KAZN: variants seen among roughly 807,000 people sequenced by gnomAD.
KAZN encodes kazrin.
KAZN carries 40 observed loss-of-function variants against 87.4 expected under a neutral mutation model. The ratio of observed to expected loss-of-function variants is 0.46; its 90% CI spans 0.36 to 0.60. The LOEUF is 0.60. KAZN is among the 20% of genes least tolerant of loss of function. KAZN has a pLI of 0.00. For missense variants in KAZN, 898 were observed against 1,073.9 expected, an observed-to-expected ratio of 0.84 and a Z score of 2.29; for synonymous variants, 466 against 458.3, an observed-to-expected ratio of 1.02 and a Z score of -0.22.
chr1:14,012,700 G>A (rs1012585841), intron 1 of KAZN, among the ~76,000 whole-genome samples: 1 of 152,162 alleles, frequency 6.6e-6, no homozygotes. Context: ...AGCTACTTGG[G>A]AGGCTGAGGC....
At chr1:14,457,330 C>T (rs550086731) in intron 2 of KAZN, among the ~76,000 whole-genome samples, 1 of 152,230 alleles carries the variant, frequency 6.6e-6, no homozygotes, top group East Asian at 1.9e-4. Context: ...CTCTAAAATA[C>T]CTGTTCGTTC....
chr1:14,006,789 A>G (rs534855656), intron 1 of KAZN, among the ~76,000 whole-genome samples: 1 of 152,040 alleles, frequency 6.6e-6, no homozygotes, highest in East Asian at 1.9e-4. Context: ...TTCTTTCTCA[A>G]GATTGCTTTG....
chr1:14,095,062 A>T (rs1644097368), intron 1 of KAZN, among the ~76,000 whole-genome samples: 1 of 152,232 alleles, frequency 6.6e-6, no homozygotes, highest in African/African-American at 2.4e-5. Context: ...GTAGGGCAGG[A>T]CAATTCTATG....
Position 14,024,784 on chromosome 1 carries a change from T to C in KAZN, c.91+131028T>C, listed in dbSNP as rs575563335. 2.0e-4 allele frequency among the ~76,000 whole-genome samples: 30 copies of C among 151,920 alleles called. 1 individual carries two copies. Among genetic ancestry groups the C allele is most frequent in the African/African-American group, 6.8e-4 (28 of 41,188 alleles). On this transcript the variant is annotated intron_variant, in intron 1 of 16. Coordinates refer to the KAZN transcript ENST00000636203. ...TATTCAAAGTTGAGGATCTCAACCT[T>C]GGCTTGCATATTAGAATAAACTAGA...
chr1:14,323,631 C>T (rs1381621162), intron 2 of KAZN, among the ~76,000 whole-genome samples: 1 of 152,140 alleles, frequency 6.6e-6, no homozygotes, highest in East Asian at 1.9e-4. Flanking sequence ...TCACTGCCTC[C>T]CTTTATTCTC....
At chr1:14,355,643 C>T (rs1571375867) in intron 2 of KAZN, among the ~76,000 whole-genome samples, 1 of 152,098 alleles carries the variant, frequency 6.6e-6, no homozygotes, top group Non-Finnish European at 1.5e-5. Flanking sequence ...ATGTGTTCTC[C>T]TTGTTCAACT....
chr1:14,534,514 G>A (rs999368308), intron 2 of KAZN, among the ~76,000 whole-genome samples: 11 of 152,042 alleles, frequency 7.2e-5, no homozygotes, highest in Admixed American at 2.6e-4. Flanking sequence ...GCGTGGTGGC[G>A]GGTACCTGTC....
chr1:14,578,745 C>A (rs1675347340), intron 2 of KAZN, among the ~76,000 whole-genome samples: 1 of 152,180 alleles, frequency 6.6e-6, no homozygotes, highest in African/African-American at 2.4e-5. Context: ...CTTGACTGAG[C>A]ACTTGAAAAT....
At chr1:14,586,929 T>C (rs541281861) in intron 2 of KAZN, among the ~76,000 whole-genome samples, 1 of 152,282 alleles carries the variant, frequency 6.6e-6, no homozygotes, top group Admixed American at 6.5e-5. Flanking sequence ...TGGGTGATGT[T>C]TTTTCCTCAC....
intron 4 of KAZN, among the ~76,000 whole-genome samples, chr1:15,051,974 G>C (rs1674453657): frequency 6.6e-6 from 1 of 152,184 alleles, no homozygotes; most frequent in Non-Finnish European, 1.5e-5. Context: ...CCAGGAGCTT[G>C]ACGTTCCAAG....
At chr1:14,096,341 CCT>C (rs1172384237) in intron 1 of KAZN, among the ~76,000 whole-genome samples, 1 of 152,146 alleles carries the variant, frequency 6.6e-6, no homozygotes, top group Non-Finnish European at 1.5e-5. Flanking sequence ...GAAAATACCA[CCT>C]CTTTCAACTG....
In KAZN at chr1:14,573,034, G is replaced by A. The variant is rs559080532; in HGVS notation, c.250-25949G>A. ...TGTAACAGACCAGAAAAATGTAACC[G>A]ATCACTCATGCTCCTCAGCTCTGAG... is the stretch of plus-strand genomic sequence containing the variant. On this transcript the variant is annotated intron_variant, in intron 2 of 16. Coordinates refer to the KAZN transcript ENST00000636203. Among the ~76,000 whole-genome samples the A allele has an allele frequency of 3.3e-5, 5 of 152,190 alleles. No individual in the cohort carries two copies. The South Asian group carries it at 1.0e-3, about 32-fold the overall frequency.
At chr1:15,052,559 A>T (rs947353976) in intron 4 of KAZN, among the ~76,000 whole-genome samples, 2 of 152,008 alleles carry the variant, frequency 1.3e-5, no homozygotes, top group East Asian at 3.9e-4. Context: ...ATGTGTGTGT[A>T]TGCATGTGTG....
chr1:15,087,913 G>A (rs767232501), intron 8 of KAZN, among the ~76,000 whole-genome samples: 3 of 152,190 alleles, frequency 2.0e-5, no homozygotes, highest in Non-Finnish European at 4.4e-5. Context: ...GAGATTAAGC[G>A]TTCCTATCAT....
chr1:14,538,905 C>T (rs1470049947), intron 2 of KAZN, among the ~76,000 whole-genome samples: 3 of 152,218 alleles, frequency 2.0e-5, no homozygotes, highest in African/African-American at 4.8e-5. Flanking sequence ...GAATGGGGTC[C>T]TGGGTGCCCC....
At chr1:14,344,160 A>ATTTTT (rs751631785) in intron 2 of KAZN, among the ~76,000 whole-genome samples, 1 of 92,780 alleles carries the variant, frequency 1.1e-5, no homozygotes, top group African/African-American at 5.2e-5. Context: ...CCATTCATGT[A>ATTTTT]TTCTTTTTTT....
chr1:14,215,918 ATTTC>A (rs1311136055), intron 2 of KAZN, among the ~76,000 whole-genome samples: 2 of 152,182 alleles, frequency 1.3e-5, no homozygotes, highest in East Asian at 3.8e-4. Context: ...CTTTAATTAT[ATTTC>A]TTTTTTCCCA....
At chr1:14,824,928 A>C (rs1646840925) in intron 1 of KAZN, among the ~76,000 whole-genome samples, 1 of 152,018 alleles carries the variant, frequency 6.6e-6, no homozygotes, top group African/African-American at 2.4e-5. Context: ...TTGGGGGAAG[A>C]CTCTTCTGCA....
intron 2 of KAZN, among the ~76,000 whole-genome samples, chr1:15,025,587 T>C (rs1214133185): frequency 1.3e-5 from 2 of 152,198 alleles, no homozygotes; most frequent in African/African-American, 4.8e-5. Flanking sequence ...TTCCCTGGCG[T>C]GTTACTGGAA....
Sources: allele counts gnomAD v4.1 joint callset (sites outside exome capture counted in the v4.1 genomes callset), GRCh38; gene constraint gnomAD v4.1.1; transcripts MANE v1.5; gene names NCBI Gene and HGNC (gene_info 2026-07-23, HGNC 2026-07-21).